RB1: variants seen among roughly 807,000 people sequenced by gnomAD.
RB1 encodes the protein retinoblastoma-associated protein.
In RB1, 18 loss-of-function variants were observed where a neutral mutation model predicts 135.4. That is an observed-to-expected ratio of 0.13 (90% CI 0.09 to 0.20). The LOEUF (loss-of-function observed/expected upper bound fraction) is 0.20. RB1 is among the 10% of genes least tolerant of loss of function. The probability of loss-of-function intolerance (pLI) is 1.00; values close to 1 mark genes in which losing one functional copy is unlikely to be tolerated. For synonymous variants in RB1, 365 were observed against 373.2 expected (o/e 0.98, Z 0.25); for missense variants, 868 against 1,110.0 (o/e 0.78, Z 3.10).
intron 2 of RB1, chr13:48,318,108 C>T (rs1593420873): frequency 7.6e-6 from 4 of 525,386 alleles, no homozygotes; most frequent in Middle Eastern, 4.4e-4. Flanking sequence ...TCCCCTCACT[C>T]GGAAGGCCGG....
At chr13:48,358,526 C>G (rs753839308) in intron 6 of RB1, among the ~76,000 whole-genome samples, 2 of 152,068 alleles carry the variant, frequency 1.3e-5, no homozygotes, top group Non-Finnish European at 2.9e-5. Context: ...AGCCGTTGTT[C>G]TGAGTTTTTG....
intron 20 of RB1, among the ~76,000 whole-genome samples, chr13:48,463,360 A>C: frequency 6.6e-6 from 1 of 152,202 alleles, no homozygotes; most frequent in South Asian, 2.1e-4. Context: ...AAGTGTGTTC[A>C]ATATTATTTT....
intron 2 of RB1, among the ~76,000 whole-genome samples, chr13:48,336,940 C>T (rs198627): frequency 6.6e-6 from 1 of 151,896 alleles, no homozygotes; most frequent in Non-Finnish European, 1.5e-5. Flanking sequence ...TCGTTATGTA[C>T]CCAGTAGTCA....
At position 48,380,210 on chromosome 13, in the gene RB1, C is replaced by A; in HGVS notation, c.1467C>A (p.Cys489Ter). Reference sequence around the variant, plus strand: ...TTTTTCATATGTCTTTATTGGCGTGCGCTCTTGAGGTTGTAATGGCCACAT... The same window carrying A: ...TTTTTCATATGTCTTTATTGGCGTGAGCTCTTGAGGTTGTAATGGCCACAT... ...DNIFHMSLLACALEVVMATYS... is the reference protein window; with the variant it reads ...DNIFHMSLLA The change falls in exon 16 of 27, where the codon TGC becomes TGA. Residue 489 changes from cysteine to a stop codon, truncating the protein, a stop_gained. Transcript: ENST00000267163. LOFTEE classifies it high-confidence loss of function. The A allele has an allele frequency of 6.2e-7, 1 of 1,603,976 alleles. No homozygotes were observed. Among genetic ancestry groups the A allele is most frequent in the Non-Finnish European group, 8.5e-7 (1 of 1,174,898 alleles).
At chr13:48,355,600 CAAAGAGGT>C (rs1952583044) in intron 6 of RB1, among the ~76,000 whole-genome samples, 1 of 152,036 alleles carries the variant, frequency 6.6e-6, no homozygotes, top group Non-Finnish European at 1.5e-5. Context: ...GTCAGTATAT[CAAAGAGGT>C]ATCTGCACTC....
Position 48,440,393 on chromosome 13 carries a change from G to A in RB1, c.1696-12600G>A, listed in dbSNP as rs192598440. Among the ~76,000 whole-genome samples, 6 of 152,232 alleles carry A rather than the reference G, an allele frequency of 3.9e-5. No homozygotes were observed. The East Asian group carries it at 1.2e-3, about 29-fold the overall frequency. ...GTTGATGAAGACATCTTTCTTTTATGTATGATATTGTCTATGTTGGGCCCT... is the reference window on the plus strand; with the variant it reads ...GTTGATGAAGACATCTTTCTTTTATATATGATATTGTCTATGTTGGGCCCT... On this transcript the variant is annotated intron_variant, in intron 17 of 26. Transcript: ENST00000267163.
chr13:48,323,938 C>T (rs923647512), intron 2 of RB1, among the ~76,000 whole-genome samples: 10 of 151,788 alleles, frequency 6.6e-5, no homozygotes, highest in African/African-American at 2.2e-4. Flanking sequence ...TTTTTTTCAC[C>T]TTTCTATATT....
intron 2 of RB1, among the ~76,000 whole-genome samples, chr13:48,325,785 C>T (rs1163108917): frequency 6.6e-6 from 1 of 151,946 alleles, no homozygotes; most frequent in Non-Finnish European, 1.5e-5. Flanking sequence ...TACTACAAAC[C>T]GTTGCGGTGA....
chr13:48,319,923 T>G lies in RB1; in HGVS notation c.264+12517T>G. On this transcript the variant is annotated intron_variant, in intron 2 of 26. Coordinates refer to ENST00000267163, the MANE Select transcript of RB1 (RefSeq NM_000321.3). This position sits in a 1 kb window ranked among gnomAD's most constrained non-coding sequence, Gnocchi z 5.0. ...GGCCACCACCTGAGCCAGGTACAAG[T>G]TTTGGGGGGACACACGGAAGTCGGG... 1 of 335,890 alleles carries G rather than the reference T, an allele frequency of 3.0e-6. No individual in the cohort carries two copies. Among genetic ancestry groups the G allele is most frequent in the Non-Finnish European group, 5.7e-6 (1 of 173,940 alleles). The allele number at this position is 335,890 out of a possible 1,614,324, so 20.8% of individuals were successfully genotyped here. A position where few individuals can be genotyped will look rare whatever the true frequency, so the allele number is the denominator to read the frequency against.
At chr13:48,367,756 T>C (rs189067522) in intron 10 of RB1, among the ~76,000 whole-genome samples, 153 bp downstream of exon 10, 3 of 152,322 alleles carry the variant, frequency 2.0e-5, no homozygotes, top group Non-Finnish European at 4.4e-5. Context: ...TTAACAGTAT[T>C]TTAAGCATAT....
chr13:48,463,602 A>G, intron 20 of RB1, 129 bp from the exon 21 acceptor site: 1 of 664,578 alleles, frequency 1.5e-6, no homozygotes, highest in Non-Finnish European at 2.7e-6. Flanking sequence ...AACTGAGCTC[A>G]GTATGGAAAG....
chr13:48,421,160 A>C (rs867713361), intron 17 of RB1, among the ~76,000 whole-genome samples: 1 of 152,224 alleles, frequency 6.6e-6, no homozygotes, highest in South Asian at 2.1e-4. Flanking sequence ...TAACCAAAAC[A>C]GCATGGTATT....
At position 48,401,770 on chromosome 13, in the gene RB1, T is replaced by G. The variant is rs73492909; in HGVS notation, c.1695+20327T>G. 2.3e-3 allele frequency among the ~76,000 whole-genome samples: 353 copies of G among 152,312 alleles called. 2 individuals carry two copies. The highest frequency in any genetic ancestry group is 8.2e-3 in the African/African-American group (340 of 41,578). On this transcript the variant is annotated intron_variant, in intron 17 of 26. Coordinates refer to ENST00000267163, the MANE Select transcript of RB1 (RefSeq NM_000321.3). The stretch of plus-strand genomic sequence containing the variant: ...AAACGTAGAATAGGAAACAGCTGGA[T>G]TTGTTTCTTAGCCTTTTCAAAAAAG...
At chr13:48,452,908 A>T in intron 17 of RB1, 85 bp from the exon 18 acceptor site, 1 of 1,578,874 alleles carries the variant, frequency 6.3e-7, no homozygotes, top group Non-Finnish European at 8.6e-7. Context: ...CATAGTACTT[A>T]CCATGTCAAA....
chr13:48,332,230 G>C (rs1952343808), intron 2 of RB1, among the ~76,000 whole-genome samples: 1 of 152,172 alleles, frequency 6.6e-6, no homozygotes. Flanking sequence ...GGGAGCCTGG[G>C]GAGAATGTGG....
chr13:48,431,562 C>CT (rs942384883), intron 17 of RB1, among the ~76,000 whole-genome samples: 1 of 151,962 alleles, frequency 6.6e-6, no homozygotes, highest in Non-Finnish European at 1.5e-5. Flanking sequence ...TCTGTGGTTA[C>CT]TTTTTTTTAT....
At chr13:48,318,234 C>T in intron 2 of RB1, 1 of 675,662 alleles carries the variant, frequency 1.5e-6, no homozygotes. Context: ...CTTGGAGAGT[C>T]AGCTATTAAG....
chr13:48,383,885 A>C (rs1354061076), intron 17 of RB1, among the ~76,000 whole-genome samples: 1 of 152,094 alleles, frequency 6.6e-6, no homozygotes, highest in Non-Finnish European at 1.5e-5. Flanking sequence ...TCTGAAAGTG[A>C]CTATTGTTAT....
chr13:48,343,900 T>G (rs1736250524), intron 3 of RB1, among the ~76,000 whole-genome samples: 1 of 152,210 alleles, frequency 6.6e-6, no homozygotes, highest in Admixed American at 6.5e-5. Flanking sequence ...TCATAGGAAC[T>G]TTAATAACCT....
Sources: gnomAD v4.1 joint callset for allele counts (sites outside exome capture counted in the v4.1 genomes callset) on GRCh38, gnomAD v4.1.1 for gene constraint, Gnocchi (gnomAD v3.1) non-coding constraint, MANE v1.5 for transcripts, NCBI Gene and HGNC (gene_info 2026-07-23, HGNC 2026-07-21) for gene names.